TENM4: variants seen among roughly 807,000 people sequenced by gnomAD.
TENM4 encodes the protein teneurin-4.
TENM4 carries 82 observed loss-of-function variants against 243.3 expected under a neutral mutation model. The observed-to-expected ratio is 0.34, with a 90% CI of 0.28 to 0.40. TENM4 has a LOEUF of 0.40. Ranked by LOEUF, TENM4 falls within the 10% of genes least tolerant of loss-of-function variation. The pLI is 1.00. For synonymous variants in TENM4, 1,412 were observed against 1,456.3 expected, an observed-to-expected ratio of 0.97 and a Z score of 0.69; for missense variants, 3,138 against 3,673.3, an observed-to-expected ratio of 0.85 and a Z score of 3.77.
chr11:78,986,065 A>G (rs1182844079), intron 6 of TENM4, among the ~76,000 whole-genome samples: 3 of 152,366 alleles, frequency 2.0e-5, no homozygotes, highest in Non-Finnish European at 4.4e-5. Flanking sequence ...AGAATATACT[A>G]GGAGCAATTC....
chr11:78,733,034 T>C (rs1339220125), intron 20 of TENM4, among the ~76,000 whole-genome samples: 1 of 152,192 alleles, frequency 6.6e-6, no homozygotes, highest in African/African-American at 2.4e-5. Context: ...TTGATCCTCA[T>C]TTTTTTCATC....
Position 78,702,382 on chromosome 11 carries a change from C to A in TENM4, c.4231G>T (p.Asp1411Tyr). The A allele has an allele frequency of 6.2e-7, 1 of 1,612,272 alleles. No individual in the cohort carries two copies. Among genetic ancestry groups the A allele is most frequent in the South Asian group, 1.1e-5 (1 of 90,924 alleles). ...TTGTCCATTGGGTTGATGGCTAAGT[C>A]TGTGGGCCACTCCAGGTGAACCTGA... ...ISQVHLEWPT[D>Y]LAINPMDNSL... The change falls in exon 28 of 34, where the codon GAC becomes TAC. Residue 1411 changes from aspartate to tyrosine, a missense_variant. By Grantham distance (160) the Asp-to-Tyr change is radical. Around this residue, in one of 2 missense-constraint regions of TENM4, gnomAD observed 2,467 missense variants for 3,059.1 expected, o/e 0.81. Coordinates refer to ENST00000278550, the MANE Select transcript of TENM4 (RefSeq NM_001098816.3).
In TENM4 at chr11:79,379,626, A is replaced by G. The variant is rs1361663839; in HGVS notation, c.-321+60883T>C. On this transcript the variant is annotated intron_variant, in intron 1 of 33. Transcript: ENST00000278550. ...ATTTTATATGCTCCTTCTGACAGCC[A>G]TATGAAGTCAGTGCTCATGTTATCT... Among the ~76,000 whole-genome samples the G allele has an allele frequency of 2.6e-5, 4 of 152,228 alleles. No individual in the cohort carries two copies. The South Asian group carries it at 8.3e-4, about 31-fold the overall frequency.
At chr11:79,084,352 C>T (rs1053895938) in intron 4 of TENM4, among the ~76,000 whole-genome samples, 2 of 152,164 alleles carry the variant, frequency 1.3e-5, no homozygotes, top group African/African-American at 2.4e-5. Flanking sequence ...TACAACCTAG[C>T]GCTTGTATTC....
intron 6 of TENM4, among the ~76,000 whole-genome samples, chr11:78,981,730 A>G (rs1273488881): frequency 1.3e-5 from 2 of 152,194 alleles, no homozygotes; most frequent in Non-Finnish European, 2.9e-5. Context: ...GAAGCTAACG[A>G]TAATCATTGA....
chr11:79,189,615 C>A (rs1202142996), intron 3 of TENM4, among the ~76,000 whole-genome samples: 1 of 152,166 alleles, frequency 6.6e-6, no homozygotes, highest in Non-Finnish European at 1.5e-5. Context: ...AACGAGAGCC[C>A]CTTGAAGTCC....
intron 6 of TENM4, among the ~76,000 whole-genome samples, chr11:78,989,791 C>T (rs956208402): frequency 1.3e-5 from 2 of 152,144 alleles, no homozygotes; most frequent in African/African-American, 4.8e-5. Flanking sequence ...CCATGGCTCA[C>T]GCCTGTAATC....
intron 4 of TENM4, among the ~76,000 whole-genome samples, chr11:79,143,159 A>G (rs898346871): frequency 2.6e-4 from 39 of 152,134 alleles, no homozygotes; most frequent in Non-Finnish European, 4.4e-4. Context: ...CATTTGACCC[A>G]GCGATCCCAT....
rs762951555 is a variant in TENM4, at chr11:79,440,980, CGAGA to C, written c.-796_-793del. The C allele has an allele frequency of 1.3e-3, 195 of 152,212 alleles. No individual in the cohort carries two copies. The highest frequency in any genetic ancestry group is 3.4e-3 in the Middle Eastern group (1 of 294). The allele number at this position is 152,212 out of a possible 1,614,324, so 9.4% of individuals were successfully genotyped here. A position where few individuals can be genotyped will look rare whatever the true frequency, so the allele number is the denominator to read the frequency against. On this transcript the variant is annotated 5_prime_UTR_variant, in exon 1 of 34. Coordinates refer to ENST00000278550, the MANE Select transcript of TENM4 (RefSeq NM_001098816.3). This position sits in a 1 kb window ranked among gnomAD's most constrained non-coding sequence, Gnocchi z 4.7. Reference sequence around the variant, plus strand: ...CTTACACACAGAAAGAGAGGGCGAGCGAGAGAGAGACACACACACACACGCACAC... The same window carrying C: ...CTTACACACAGAAAGAGAGGGCGAGCGAGAGACACACACACACACGCACAC...
intron 6 of TENM4, among the ~76,000 whole-genome samples, chr11:78,965,588 A>T (rs1386084995): frequency 6.6e-6 from 1 of 152,248 alleles, no homozygotes; most frequent in African/African-American, 2.4e-5. Flanking sequence ...TACGAAATAA[A>T]TAGTTCCAGA....
intron 2 of TENM4, among the ~76,000 whole-genome samples, chr11:79,268,492 T>A (rs1423598234): frequency 6.6e-6 from 1 of 152,204 alleles, no homozygotes; most frequent in Non-Finnish European, 1.5e-5. Context: ...ATGAGTGAGA[T>A]GTAAATGAAA....
intron 2 of TENM4, among the ~76,000 whole-genome samples, chr11:79,279,233 T>A (rs1856113063): frequency 6.6e-6 from 1 of 152,212 alleles, no homozygotes. Context: ...TTTTCACAGC[T>A]GTTTCTTCAT....
chr11:78,673,351 G>A (rs1858384602), intron 30 of TENM4, among the ~76,000 whole-genome samples: 2 of 152,164 alleles, frequency 1.3e-5, no homozygotes, highest in South Asian at 4.1e-4. Context: ...TGGCCTTATG[G>A]GACATTTGGG....
chr11:78,866,602 G>C (rs767598844), intron 9 of TENM4, among the ~76,000 whole-genome samples: 1 of 152,070 alleles, frequency 6.6e-6, no homozygotes, highest in Non-Finnish European at 1.5e-5. Context: ...TGAGGGTGGG[G>C]GAGACATGGG....
At chr11:78,876,751 G>T (rs1437910941) in intron 9 of TENM4, among the ~76,000 whole-genome samples, 1 of 152,210 alleles carries the variant, frequency 6.6e-6, no homozygotes, top group Admixed American at 6.5e-5. Context: ...GCTCCTCACA[G>T]CCTGGGACAC....
chr11:79,410,972 T>C (rs868467443), intron 1 of TENM4, among the ~76,000 whole-genome samples: 2 of 151,860 alleles, frequency 1.3e-5, no homozygotes, highest in Middle Eastern at 3.2e-3. Flanking sequence ...CACACACACA[T>C]ACAAACACAC....
chr11:78,800,090 T>C (rs1857251113), intron 15 of TENM4, among the ~76,000 whole-genome samples: 1 of 152,170 alleles, frequency 6.6e-6, no homozygotes, highest in African/African-American at 2.4e-5. Flanking sequence ...TAGAAGCCAT[T>C]AAGCTCTGAA....
intron 6 of TENM4, among the ~76,000 whole-genome samples, chr11:79,030,195 T>C (rs1207235540): frequency 6.6e-6 from 1 of 152,212 alleles, no homozygotes; most frequent in African/African-American, 2.4e-5. Flanking sequence ...CCAGGTACTG[T>C]GCTAAGCCAC....
intron 6 of TENM4, among the ~76,000 whole-genome samples, chr11:79,033,999 G>A (rs575326982): frequency 1.4e-4 from 22 of 152,240 alleles, no homozygotes; most frequent in African/African-American, 1.9e-4. Flanking sequence ...AGGATGGAGC[G>A]TGAAAAGAGC....
Sources: allele counts gnomAD v4.1 joint callset (sites outside exome capture counted in the v4.1 genomes callset), GRCh38; gene constraint gnomAD v4.1.1; regional missense constraint gnomAD v4.1.1; non-coding constraint Gnocchi (gnomAD v3.1); transcripts MANE v1.5; gene names NCBI Gene and HGNC (gene_info 2026-07-23, HGNC 2026-07-21).